Variants in MYO16 observed in about 807,000 individuals in gnomAD.
MYO16 encodes unconventional myosin-XVI.
MYO16 carries 94 observed loss-of-function variants against 205.3 expected under a neutral mutation model. The observed-to-expected ratio is 0.46, with a 90% confidence interval of 0.39 to 0.54. MYO16 has a LOEUF of 0.54. MYO16 is among the 20% of genes least tolerant of loss of function. MYO16 has a pLI of 0.00. For synonymous variants in MYO16, 988 were observed against 954.0 expected, an observed-to-expected ratio of 1.04 and a Z score of -0.66; for missense variants, 2,315 against 2,387.5, an observed-to-expected ratio of 0.97 and a Z score of 0.63.
At chr13:108,672,880 A>G (rs1365843752) in intron 2 of MYO16, among the ~76,000 whole-genome samples, 1 of 152,218 alleles carries the variant, frequency 6.6e-6, no homozygotes, top group Admixed American at 6.5e-5. Context: ...TGCCACTCCC[A>G]AATATTGCTT....
At chr13:108,812,494 G>T (rs997122067) in intron 7 of MYO16, among the ~76,000 whole-genome samples, 4 of 142,574 alleles carry the variant, frequency 2.8e-5, no homozygotes, top group Non-Finnish European at 6.2e-5. Context: ...ACTGGTTCTT[G>T]CAGGAAATCA....
intron 9 of MYO16, 146 bp downstream of exon 9, chr13:108,823,424 G>C: frequency 1.6e-6 from 1 of 620,606 alleles, no homozygotes; most frequent in Non-Finnish European, 2.5e-6. Context: ...CTTGTTTACA[G>C]TGATGAGTTA....
intron 4 of MYO16, among the ~76,000 whole-genome samples, chr13:108,783,479 G>A (rs1309562090): frequency 2.0e-5 from 3 of 152,178 alleles, no homozygotes; most frequent in African/African-American, 7.2e-5. Flanking sequence ...ACTTTGGACT[G>A]TGAACTTTTG....
At chr13:109,090,932 C>T (rs2139689770) in intron 27 of MYO16, among the ~76,000 whole-genome samples, 1 of 152,298 alleles carries the variant, frequency 6.6e-6, no homozygotes, top group South Asian at 2.1e-4. Flanking sequence ...CCCACTTGTG[C>T]TCCTTTTTCT....
intron 4 of MYO16, among the ~76,000 whole-genome samples, chr13:108,769,551 T>G (rs761388700): frequency 3.3e-5 from 5 of 152,172 alleles, no homozygotes; most frequent in Non-Finnish European, 5.9e-5. Context: ...CTGGCTATTC[T>G]GTGAAAAATT....
chr13:108,898,359 T>TGTGTGTGC (rs1555310479), intron 15 of MYO16, among the ~76,000 whole-genome samples: 2 of 133,570 alleles, frequency 1.5e-5, no homozygotes, highest in African/African-American at 2.8e-5. Flanking sequence ...TGAGTGTGTG[T>TGTGTGTGC]GTGTGTGTGT....
Position 108,823,125 on chromosome 13 carries a change from A to G in MYO16, c.944A>G (p.Asp315Gly). Residue 315 changes from aspartate to glycine, a missense_variant and splice_region_variant, in exon 9 of 35, where the codon GAT (aspartate) becomes GGT (glycine). Asp to Gly is a moderately conservative substitution (Grantham distance 94, BLOSUM62 -1). This residue lies in a region of MYO16 where 1,213 missense variants were observed against 1,274.4 expected (regional missense o/e 0.95). Transcript: ENST00000457511. Reference sequence around the variant, plus strand: ...GATTTTTCTTATTTTTTTCTTGTAGATATTGCTGCCTCTGAGTTTATTGAG... The same window carrying G: ...GATTTTTCTTATTTTTTTCTTGTAGGTATTGCTGCCTCTGAGTTTATTGAG... ...LVNCNEEKAS[D>G]IAASEFIEEM... 6.2e-7 allele frequency: 1 copy of G among 1,607,708 alleles called. No individual in the cohort carries two copies. The highest frequency in any genetic ancestry group is 8.5e-7 in the Non-Finnish European group (1 of 1,178,794).
chr13:108,830,045 C>A (rs8000734), intron 9 of MYO16, among the ~76,000 whole-genome samples: 2,398 of 139,270 alleles, frequency 0.017, 61 homozygotes, highest in African/African-American at 0.061. Context: ...AAATGCAAAT[C>A]AAAACCACAA....
intron 4 of MYO16, among the ~76,000 whole-genome samples, chr13:108,758,837 G>A (rs370163908): frequency 5.9e-5 from 9 of 152,098 alleles, no homozygotes; most frequent in Non-Finnish European, 7.3e-5. Flanking sequence ...TTGAGGACTC[G>A]GAAAAATACG....
the MYO16 span, among the ~76,000 whole-genome samples, chr13:108,549,100 C>A: frequency 6.6e-6 from 1 of 152,134 alleles, no homozygotes; most frequent in African/African-American, 2.4e-5. Flanking sequence ...ATGTTGTAGG[C>A]AGAATAATGC....
At position 108,866,249 on chromosome 13, in the gene MYO16, A is replaced by G. The variant is rs776376194; in HGVS notation, c.1425+7A>G. The G allele has an allele frequency of 1.3e-5, 20 of 1,553,368 alleles. No individual in the cohort carries two copies. In the African/African-American group the frequency reaches 2.2e-4, roughly 17 times the overall value. On this transcript the variant is annotated splice_region_variant and intron_variant, in intron 12 of 34. Coordinates refer to ENST00000457511, the MANE Select transcript of MYO16 (RefSeq NM_001198950.3). ...TCCAATTTATTCTTCCATGGTGAGC[A>G]CAAAATTTTAAATATCATTGAATAA... is the stretch of plus-strand genomic sequence containing the variant.
rs913028107 is a variant in MYO16, at chr13:108,964,998, A to AT, written c.2369+97dup. 6.2e-5 allele frequency: 78 copies of AT among 1,264,052 alleles called. 3 individuals carry two copies. Among genetic ancestry groups the AT allele is most frequent in the Non-Finnish European group, 2.0e-5 (18 of 910,182 alleles). The allele number at this position is 1,264,052 out of a possible 1,614,324, so 78.3% of individuals were successfully genotyped here. On this transcript the variant is annotated intron_variant, in intron 20 of 34. Coordinates refer to ENST00000457511, the MANE Select transcript of MYO16 (RefSeq NM_001198950.3). ...GCAGCTTCATATTACAGGGTAACCA[A>AT]TAAGTTAAACTTCATTAATATATTT...
intron 20 of MYO16, among the ~76,000 whole-genome samples, chr13:108,982,796 G>T (rs1223506265): frequency 6.6e-6 from 1 of 152,068 alleles, no homozygotes; most frequent in African/African-American, 2.4e-5. Context: ...GCTTGTTTTT[G>T]ATCTTAAGAC....
chr13:109,069,230 G>A (rs1157340113), intron 27 of MYO16, among the ~76,000 whole-genome samples: 1 of 152,140 alleles, frequency 6.6e-6, no homozygotes, highest in Admixed American at 6.6e-5. Context: ...AAAGTCCAGA[G>A]ATATTCAGTT....
At chr13:108,975,237 C>T (rs1594439942) in intron 20 of MYO16, among the ~76,000 whole-genome samples, 1 of 151,598 alleles carries the variant, frequency 6.6e-6, no homozygotes, top group South Asian at 2.1e-4. Context: ...TCAGGGTTCA[C>T]AATTTTCTCA....
intron 16 of MYO16, among the ~76,000 whole-genome samples, chr13:108,949,969 G>A (rs1225436137): frequency 3.3e-5 from 5 of 150,260 alleles, no homozygotes; most frequent in African/African-American, 1.2e-4. Context: ...GGACAACTGG[G>A]CATCCATAGG....
intron 7 of MYO16, among the ~76,000 whole-genome samples, chr13:108,810,725 G>A (rs773496875): frequency 5.9e-5 from 9 of 152,122 alleles, no homozygotes; most frequent in Non-Finnish European, 1.2e-4. Context: ...AAAAGCGTTA[G>A]AAATGTGAAC....
chr13:108,570,143 GGT>G, the MYO16 span, among the ~76,000 whole-genome samples: 2 of 151,906 alleles, frequency 1.3e-5, no homozygotes, highest in Admixed American at 1.3e-4. Context: ...AATTACTTAG[GGT>G]GTGTTTTATT....
chr13:108,959,594 T>A (rs1015370686), intron 17 of MYO16, among the ~76,000 whole-genome samples: 3 of 152,068 alleles, frequency 2.0e-5, no homozygotes, highest in African/African-American at 7.2e-5. Flanking sequence ...GTGAGTTGAG[T>A]CCACTTTAGA....
Sources: gnomAD v4.1 joint callset for allele counts (sites outside exome capture counted in the v4.1 genomes callset) on GRCh38, gnomAD v4.1.1 for gene constraint, gnomAD v4.1.1 regional missense constraint, MANE v1.5 for transcripts, NCBI Gene and HGNC (gene_info 2026-07-23, HGNC 2026-07-21) for gene names.